The following BACH2 variants were observed in gnomAD, a reference collection of about 807,000 sequenced individuals.
BACH2 encodes BACH transcriptional regulator 2.
BACH2 carries 5 observed loss-of-function variants against 61.8 expected under a neutral mutation model. The observed-to-expected ratio is 0.08, with a 90% CI of 0.04 to 0.17. The LOEUF is 0.17. Among genes scored for constraint, BACH2 ranks in the 10% least tolerant of loss-of-function variants. The probability of loss-of-function intolerance (pLI) is 1.00; values close to 1 mark genes in which losing one functional copy is unlikely to be tolerated. For missense variants in BACH2, 824 were observed against 1,091.1 expected (o/e 0.76, Z 3.45); for synonymous variants, 446 against 440.1 (o/e 1.01, Z -0.17).
intron 4 of BACH2, among the ~76,000 whole-genome samples, chr6:90,161,086 C>A (rs1232089692): frequency 0.01 from 1,081 of 104,702 alleles, no homozygotes; most frequent in East Asian, 0.015. Flanking sequence ...GACTCCGTCT[C>A]AAAAAAAAAA....
At chr6:90,046,399 C>T (rs1779780333) in intron 5 of BACH2, among the ~76,000 whole-genome samples, 1 of 152,176 alleles carries the variant, frequency 6.6e-6, no homozygotes, top group Admixed American at 6.5e-5. Flanking sequence ...CCAGCAATGG[C>T]AATGCCTAAA....
At chr6:90,159,462 C>T (rs1026049169) in intron 4 of BACH2, among the ~76,000 whole-genome samples, 8 of 152,134 alleles carry the variant, frequency 5.3e-5, no homozygotes, top group South Asian at 4.1e-4. Flanking sequence ...CTTTTATATA[C>T]GCAGACCTCA....
intron 3 of BACH2, among the ~76,000 whole-genome samples, chr6:90,252,009 G>C (rs1385637735): frequency 6.6e-6 from 1 of 152,100 alleles, no homozygotes; most frequent in Admixed American, 6.5e-5. Context: ...ATTTTTTTTA[G>C]AATTGACTAT....
chr6:90,106,672 C>G (rs1312579972), intron 4 of BACH2, among the ~76,000 whole-genome samples: 2 of 152,196 alleles, frequency 1.3e-5, no homozygotes, highest in African/African-American at 4.8e-5. Flanking sequence ...TTTTGGGGAT[C>G]AGCTAGTTCA....
At chr6:90,214,111 T>C (rs1480051378) in intron 3 of BACH2, among the ~76,000 whole-genome samples, 2 of 152,190 alleles carry the variant, frequency 1.3e-5, no homozygotes, top group African/African-American at 4.8e-5. Flanking sequence ...TAAGGAATCA[T>C]GCATTAAGTT....
chr6:90,164,399 T>G (rs991048563), intron 4 of BACH2, among the ~76,000 whole-genome samples: 2 of 151,976 alleles, frequency 1.3e-5, no homozygotes, highest in Admixed American at 6.6e-5. Flanking sequence ...AATAACAGGT[T>G]CTGAAATTGA....
intron 5 of BACH2, among the ~76,000 whole-genome samples, chr6:90,076,193 T>A (rs1176139654): frequency 6.6e-6 from 1 of 152,138 alleles, no homozygotes; most frequent in Non-Finnish European, 1.5e-5. Context: ...AGACCAGTGA[T>A]AGGTGAGATT....
intron 5 of BACH2, among the ~76,000 whole-genome samples, chr6:90,044,513 G>C (rs1284092687): frequency 6.6e-6 from 1 of 152,206 alleles, no homozygotes; most frequent in Non-Finnish European, 1.5e-5. Flanking sequence ...GCCAGAGTAG[G>C]CAAGTGATAG....
intron 4 of BACH2, among the ~76,000 whole-genome samples, chr6:90,108,869 C>G (rs1783040898): frequency 6.6e-6 from 1 of 152,176 alleles, no homozygotes; most frequent in African/African-American, 2.4e-5. Context: ...CTTGGGCTTT[C>G]TGTTTGCTCT....
intron 4 of BACH2, among the ~76,000 whole-genome samples, chr6:90,167,387 C>T (rs1767663619): frequency 6.6e-6 from 1 of 151,974 alleles, no homozygotes; most frequent in African/African-American, 2.4e-5. Context: ...TGGAGTCTCG[C>T]TCTTGTTGCC....
intron 6 of BACH2, among the ~76,000 whole-genome samples, chr6:89,975,345 T>C (rs893269046): frequency 2.5e-4 from 38 of 152,244 alleles, no homozygotes; most frequent in Non-Finnish European, 4.3e-4. Flanking sequence ...CTGAAGCCTT[T>C]CACTTTATTA....
intron 5 of BACH2, among the ~76,000 whole-genome samples, chr6:90,042,372 T>TG (rs893344057): frequency 1.3e-5 from 2 of 151,668 alleles, no homozygotes; most frequent in African/African-American, 4.8e-5. Flanking sequence ...TTTTGTATTT[T>TG]TTTTTTTTGG....
At chr6:90,224,887 G>T (rs1457117970) in intron 3 of BACH2, among the ~76,000 whole-genome samples, 1 of 152,300 alleles carries the variant, frequency 6.6e-6, no homozygotes, top group East Asian at 1.9e-4. Flanking sequence ...GAGCAGTGAA[G>T]CTGAGAAACA....
At position 90,008,676 on chromosome 6, in the gene BACH2, C is replaced by T; in HGVS notation, c.169G>A (p.Ala57Thr). The change falls in exon 6 of 9, where the codon GCA becomes ACA. Residue 57 changes from alanine (A) to threonine (T), a missense_variant. Coordinates refer to ENST00000257749, the MANE Select transcript of BACH2 (RefSeq NM_021813.4). This position sits in a 1 kb window ranked among gnomAD's most constrained non-coding sequence, Gnocchi z 4.1. ...GCCTGCCAAAAATATTCACTGCATGCGGCCAGCACAGCCCGGTGGGCCCGG... is the reference window on the plus strand; with the variant it reads ...GCCTGCCAAAAATATTCACTGCATGTGGCCAGCACAGCCCGGTGGGCCCGG... ...EFRAHRAVLA[A>T]CSEYFWQALV... 5 of 1,614,226 alleles carry T rather than the reference C, an allele frequency of 3.1e-6. No homozygotes were observed. The highest frequency in any genetic ancestry group is 4.2e-6 in the Non-Finnish European group (5 of 1,180,040).
chr6:90,176,584 G>A (rs1767990241), intron 4 of BACH2, among the ~76,000 whole-genome samples: 1 of 152,178 alleles, frequency 6.6e-6, no homozygotes, highest in Admixed American at 6.5e-5. Flanking sequence ...CACCGGAGGA[G>A]AGGGATGTAG....
At chr6:90,136,187 G>C (rs954778160) in intron 4 of BACH2, among the ~76,000 whole-genome samples, 1 of 152,112 alleles carries the variant, frequency 6.6e-6, no homozygotes, top group African/African-American at 2.4e-5. Flanking sequence ...TCACTGCTAC[G>C]GCTGAGTTTC....
intron 3 of BACH2, among the ~76,000 whole-genome samples, chr6:90,218,966 A>T (rs1275972356): frequency 1.3e-5 from 2 of 151,272 alleles, no homozygotes; most frequent in Admixed American, 6.6e-5. Flanking sequence ...TGACACAGAG[A>T]GTGAGAGTGC....
At chr6:89,973,646 T>G (rs1225367513) in intron 6 of BACH2, among the ~76,000 whole-genome samples, 1 of 152,104 alleles carries the variant, frequency 6.6e-6, no homozygotes, top group African/African-American at 2.4e-5. Context: ...CTCACAGGTT[T>G]TTGGGGATAA....
intron 4 of BACH2, among the ~76,000 whole-genome samples, chr6:90,106,405 T>G (rs959313920): frequency 6.6e-6 from 1 of 152,222 alleles, no homozygotes; most frequent in African/African-American, 2.4e-5. Flanking sequence ...CTTTTCTATG[T>G]TTAGATACAC....
Sources: allele counts gnomAD v4.1 joint callset (sites outside exome capture counted in the v4.1 genomes callset), GRCh38; gene constraint gnomAD v4.1.1; non-coding constraint Gnocchi (gnomAD v3.1); transcripts MANE v1.5; gene names NCBI Gene and HGNC (gene_info 2026-07-23, HGNC 2026-07-21).